The following ZNF114 variants were observed in gnomAD, a reference collection of about 807,000 sequenced individuals.
ZNF114 encodes zinc finger protein 114 (Y18).
ZNF114 carries 8 observed loss-of-function variants against 6.8 expected under a neutral mutation model. The ratio of observed to expected loss-of-function variants is 1.18; its 90% confidence interval spans 0.69 to 2.13. The LOEUF (loss-of-function observed/expected upper bound fraction) is 2.13, where lower values mean the gene tolerates loss of function less well. Ranked by LOEUF, ZNF114 falls within the 30% of genes most tolerant of loss-of-function variation. The pLI is 0.00. For missense variants in ZNF114, 472 were observed against 519.5 expected, an observed-to-expected ratio of 0.91 and a Z score of 0.89; for synonymous variants, 169 against 185.5, an observed-to-expected ratio of 0.91 and a Z score of 0.72.
chr19:48,279,855 C>T (rs142959513), intron 4 of ZNF114, 47 bp downstream of exon 4: 27,926 of 1,613,312 alleles, frequency 0.017, 326 homozygotes, highest in South Asian at 0.026. Flanking sequence ...GTCGTTCCCA[C>T]GAGTCAATGT....
At chr19:48,282,173 C>A in intron 4 of ZNF114, 198 bp from the exon 5 acceptor site, 1 of 519,384 alleles carries the variant, frequency 1.9e-6, no homozygotes, top group South Asian at 2.3e-5. Flanking sequence ...GCTGGGATTA[C>A]AGGTGTGAGC....
intron 5 of ZNF114, 112 bp downstream of exon 5, chr19:48,282,609 AGCT>A (rs1481219994): frequency 2.2e-5 from 29 of 1,323,566 alleles, no homozygotes; most frequent in Non-Finnish European, 2.7e-5. Context: ...CCAGAGACAC[AGCT>A]GCTGCCCCCC....
At chr19:48,280,727 A>T (rs1407036490) in intron 4 of ZNF114, among the ~76,000 whole-genome samples, 3 of 151,146 alleles carry the variant, frequency 2.0e-5, no homozygotes, top group Non-Finnish European at 4.4e-5. Flanking sequence ...TAATTTTTGT[A>T]TTTTTAGTTG....
In ZNF114 at chr19:48,286,812, CT is replaced by C; in HGVS notation, c.1191del (p.Phe397LeufsTer33). On this transcript the variant is annotated frameshift_variant, in exon 6 of 6. Coordinates refer to ENST00000595607, the MANE Select transcript of ZNF114 (RefSeq NM_153608.4). LOFTEE classifies it low-confidence loss of function (END_TRUNC). ...PYKCKTCGKD[F>X]AKSSGLKKHL... is the part of the protein sequence containing the mutation. The stretch of plus-strand genomic sequence containing the variant: ...ATAAATGTAAGACATGTGGAAAAGA[CT>C]TTGCAAAGTCGTCAGGACTTAAAAA... 1 of 1,601,722 alleles carries C rather than the reference CT, an allele frequency of 6.2e-7. No individual in the cohort carries two copies. The highest frequency in any genetic ancestry group is 1.1e-5 in the South Asian group (1 of 87,812).
rs375462720 is a variant in ZNF114, at chr19:48,282,355, G to C, written c.10-16G>C. 1.2e-6 allele frequency: 2 copies of C among 1,611,404 alleles called. No homozygotes were observed. The highest frequency in any genetic ancestry group is 2.7e-5 in the African/African-American group (2 of 74,770). Reference sequence around the variant, plus strand: ...ACAGGACACCCCTCCGAGCCAAACTGCATGTGTTATTTTAGGACTCGGTGA... The same window carrying C: ...ACAGGACACCCCTCCGAGCCAAACTCCATGTGTTATTTTAGGACTCGGTGA... On this transcript the variant is annotated splice_polypyrimidine_tract_variant and intron_variant, in intron 4 of 5. Transcript: ENST00000595607.
At chr19:48,284,401 T>G (rs915810969) in intron 5 of ZNF114, among the ~76,000 whole-genome samples, 5 of 151,928 alleles carry the variant, frequency 3.3e-5, no homozygotes, top group South Asian at 4.2e-4. Context: ...ACTGTTCTTT[T>G]TGTCTTTAAA....
rs1568993731 is a variant in ZNF114, at chr19:48,282,370, G to A, written c.10-1G>A. On this transcript the variant is annotated splice_acceptor_variant, in intron 4 of 5. Transcript: ENST00000595607. LOFTEE classifies it high-confidence loss of function. ...GAGCCAAACTGCATGTGTTATTTTA[G>A]GACTCGGTGACCTTCGCAGACGTGG... The A allele has an allele frequency of 6.2e-7, 1 of 1,612,342 alleles. No homozygotes were observed. Among genetic ancestry groups the A allele is most frequent in the Non-Finnish European group, 8.5e-7 (1 of 1,179,180 alleles).
chr19:48,285,843 AGT>A lies in ZNF114; in HGVS notation c.224_225del (p.Cys75SerfsTer30), dbSNP rs1318568296. On this transcript the variant is annotated frameshift_variant, in exon 6 of 6. Transcript: ENST00000595607. LOFTEE classifies it low-confidence loss of function (END_TRUNC). ...PKRTFPEANR[V>X]CLTSISSQHS... is the part of the protein sequence containing the mutation. ...AAAGAACATTTCCTGAAGCCAACAG[AGT>A]GTGTCTCACGAGCATCAGTTCCCAG... 1 of 1,614,168 alleles carries A rather than the reference AGT, an allele frequency of 6.2e-7. No individual in the cohort carries two copies. The highest frequency in any genetic ancestry group is 1.1e-5 in the South Asian group (1 of 91,082).
chr19:48,279,626 T>C (rs1294650080), intron 3 of ZNF114, 105 bp from the exon 4 acceptor site: 3 of 730,448 alleles, frequency 4.1e-6, no homozygotes, highest in Non-Finnish European at 6.9e-6. Flanking sequence ...GGGAAGTGTG[T>C]GCACACGTGC....
At chr19:48,275,002 C>T (rs1028152381) in intron 3 of ZNF114, among the ~76,000 whole-genome samples, 2 of 151,544 alleles carry the variant, frequency 1.3e-5, no homozygotes, top group African/African-American at 4.8e-5. Flanking sequence ...CCTGGCCAGG[C>T]ACGGTGACTC....
At chr19:48,284,846 G>A (rs1304616571) in intron 5 of ZNF114, among the ~76,000 whole-genome samples, 4 of 152,200 alleles carry the variant, frequency 2.6e-5, no homozygotes, top group Admixed American at 2.6e-4. Context: ...GGAGACTGAG[G>A]CAAGAGGATC....
At chr19:48,270,314 T>C (rs1600831105) in intron 1 of ZNF114, 95 bp downstream of exon 1, 1 of 145,706 alleles carries the variant, frequency 6.9e-6, no homozygotes. Context: ...ACTGAAGTGG[T>C]AGGATCGCTT....
chr19:48,277,101 C>CA (rs1051401068), intron 3 of ZNF114, among the ~76,000 whole-genome samples: 8 of 152,134 alleles, frequency 5.3e-5, no homozygotes, highest in African/African-American at 1.9e-4. Flanking sequence ...GTGGAAGTTG[C>CA]AGCGAGCTGA....
At chr19:48,278,133 G>C (rs904052013) in intron 3 of ZNF114, among the ~76,000 whole-genome samples, 1 of 151,900 alleles carries the variant, frequency 6.6e-6, no homozygotes, top group Non-Finnish European at 1.5e-5. Context: ...ACAGGGTTTC[G>C]CCATGTTGGC....
chr19:48,282,771 G>A (rs184353903), intron 5 of ZNF114, among the ~76,000 whole-genome samples: 11 of 151,394 alleles, frequency 7.3e-5, no homozygotes, highest in East Asian at 3.9e-4. Flanking sequence ...GGAGTGCAGC[G>A]GCATCATCTC....
chr19:48,278,753 C>G (rs12983046), intron 3 of ZNF114, among the ~76,000 whole-genome samples: 1 of 151,880 alleles, frequency 6.6e-6, no homozygotes, highest in Non-Finnish European at 1.5e-5. Flanking sequence ...ACCAGCCTGG[C>G]CAGCATGGCG....
At chr19:48,277,940 T>A (rs1299681227) in intron 3 of ZNF114, among the ~76,000 whole-genome samples, 1 of 148,534 alleles carries the variant, frequency 6.7e-6, no homozygotes, top group African/African-American at 2.5e-5. Context: ...ATATTTGAAA[T>A]TTTTTTTTTT....
chr19:48,277,221 G>A (rs181515738), intron 3 of ZNF114, among the ~76,000 whole-genome samples: 2 of 151,952 alleles, frequency 1.3e-5, no homozygotes, highest in African/African-American at 2.4e-5. Context: ...GGTGGCAGGC[G>A]CTTGTGGTCC....
rs191185201 is a variant in ZNF114 at position 48,270,432 on chromosome 19, A to G, written c.-377+213A>G. Among the ~76,000 whole-genome samples, 240 of 146,632 alleles carry G rather than the reference A, an allele frequency of 1.6e-3. 2 individuals are homozygous for G. Among genetic ancestry groups the G allele is most frequent in the African/African-American group, 5.3e-3 (215 of 40,306 alleles). On this transcript the variant is annotated intron_variant, in intron 1 of 5. Coordinates refer to ENST00000595607, the MANE Select transcript of ZNF114 (RefSeq NM_153608.4). ...AAAAAAGAATAAGAAAAGGAAAAAAATAAAAAAGGAAGGAAGGGAGGGAGG... is the reference window on the plus strand; with the variant it reads ...AAAAAAGAATAAGAAAAGGAAAAAAGTAAAAAAGGAAGGAAGGGAGGGAGG...
Sources: allele counts gnomAD v4.1 joint callset (sites outside exome capture counted in the v4.1 genomes callset), GRCh38; gene constraint gnomAD v4.1.1; transcripts MANE v1.5; gene names NCBI Gene and HGNC (gene_info 2026-07-23, HGNC 2026-07-21).